Variants in ARHGEF11 observed in about 807,000 individuals in gnomAD.
ARHGEF11 encodes the protein Rho guanine exchange factor (GEF) 11.
A neutral mutation model predicts 193.7 loss-of-function variants in ARHGEF11; 55 were observed. The observed-to-expected ratio is 0.28, with a 90% CI of 0.23 to 0.36. The LOEUF is 0.36. ARHGEF11 is among the 10% of genes least tolerant of loss of function. The pLI, the probability that ARHGEF11 is intolerant of heterozygous loss-of-function variation, is 1.00. For synonymous variants in ARHGEF11, 693 were observed against 768.0 expected (o/e 0.90, Z 1.62); for missense variants, 1,723 against 2,005.6 (o/e 0.86, Z 2.69).
chr1:157,045,576 C>A lies in ARHGEF11; in HGVS notation c.-1246G>T, dbSNP rs1465124570. Among the ~76,000 whole-genome samples, 1 of 151,962 alleles carries A rather than the reference C, an allele frequency of 6.6e-6. No homozygotes were observed. Among genetic ancestry groups the A allele is most frequent in the African/African-American group, 2.4e-5 (1 of 41,430 alleles). On this transcript the variant is annotated 5_prime_UTR_variant, in exon 1 of 41. Coordinates refer to ENST00000368194, the MANE Select transcript of ARHGEF11 (RefSeq NM_198236.3). ...CTCGCCTAATCTCGCAGGCAGGAGC[C>A]CGCAGTGCCTCGCGCAGGACGCCCG...
chr1:156,996,509 CAAG>C (rs1666508101), intron 1 of ARHGEF11, among the ~76,000 whole-genome samples: 1 of 151,988 alleles, frequency 6.6e-6, no homozygotes, highest in East Asian at 1.9e-4. Flanking sequence ...GATCTCACAA[CAAG>C]GAGTGTAACA....
Position 156,935,329 on chromosome 1 carries a change from G to A in ARHGEF11, c.*671C>T, listed in dbSNP as rs1351295473. ...AGCCAGGTGGGATGGGGAGCCAGAAGACCTTCCCACTCACAGGGACAGGAA... is the reference window on the plus strand; with the variant it reads ...AGCCAGGTGGGATGGGGAGCCAGAAAACCTTCCCACTCACAGGGACAGGAA... On this transcript the variant is annotated 3_prime_UTR_variant, in exon 41 of 41. Coordinates refer to ENST00000368194, the MANE Select transcript of ARHGEF11 (RefSeq NM_198236.3). 6.6e-6 allele frequency: 1 copy of A among 152,146 alleles called. No individual in the cohort carries two copies. Among genetic ancestry groups the A allele is most frequent in the Non-Finnish European group, 1.5e-5 (1 of 68,028 alleles). The allele number at this position is 152,146 out of a possible 1,614,324, so 9.4% of individuals were successfully genotyped here. A position where few individuals can be genotyped will look rare whatever the true frequency, so the allele number is the denominator to read the frequency against.
At chr1:156,945,901 T>A in intron 29 of ARHGEF11, 144 bp downstream of exon 29, 1 of 638,928 alleles carries the variant, frequency 1.6e-6, no homozygotes, top group Non-Finnish European at 2.7e-6. Context: ...CATTTTCTTC[T>A]CTGAAACACC....
At chr1:156,941,092 G>A (rs554629991) in intron 35 of ARHGEF11, among the ~76,000 whole-genome samples, 5 of 146,348 alleles carry the variant, frequency 3.4e-5, no homozygotes, top group Admixed American at 6.8e-5. Flanking sequence ...CGTGGATCCC[G>A]CCAGACTGCT....
intron 32 of ARHGEF11, 84 bp downstream of exon 32, chr1:156,943,851 G>T: frequency 6.7e-7 from 1 of 1,495,002 alleles, no homozygotes; most frequent in South Asian, 1.3e-5. Context: ...TCCTGTAAAG[G>T]CTCCAGACTG....
chr1:156,969,868 A>G lies in ARHGEF11; in HGVS notation c.748+130T>C, dbSNP rs769742745. The G allele has an allele frequency of 2.1e-4, 190 of 898,326 alleles. 1 individual carries two copies. Among genetic ancestry groups the G allele is most frequent in the Non-Finnish European group, 3.2e-4 (181 of 563,380 alleles). 55.6% of individuals were successfully genotyped at this position (898,326 alleles called of 1,614,324 possible). A position where few individuals can be genotyped will look rare whatever the true frequency, so the allele number is the denominator to read the frequency against. On this transcript the variant is annotated intron_variant, in intron 9 of 40. Coordinates refer to ENST00000368194, the MANE Select transcript of ARHGEF11 (RefSeq NM_198236.3). ...CTGTGTATTTGTACTGCTTTCTCCC[A>G]TTATTTCATTTCTCAGAGGGCAGGC...
intron 11 of ARHGEF11, among the ~76,000 whole-genome samples, chr1:156,967,086 T>A (rs1661774613): frequency 6.6e-6 from 1 of 152,230 alleles, no homozygotes. Flanking sequence ...CTGTCTTATA[T>A]CTTTCTAGGT....
chr1:157,034,684 G>A (rs1195232433), intron 1 of ARHGEF11, among the ~76,000 whole-genome samples: 2 of 152,170 alleles, frequency 1.3e-5, no homozygotes, highest in Non-Finnish European at 2.9e-5. Flanking sequence ...GGCCAAAGAA[G>A]ACAACCCAGA....
chr1:156,972,888 C>T (rs1029664780), intron 7 of ARHGEF11, among the ~76,000 whole-genome samples: 1 of 152,186 alleles, frequency 6.6e-6, no homozygotes, highest in Non-Finnish European at 1.5e-5. Flanking sequence ...TCTTCAAAGT[C>T]TCCTTTTTCC....
chr1:156,964,210 A>G (rs1034797640), intron 11 of ARHGEF11, among the ~76,000 whole-genome samples: 2 of 152,080 alleles, frequency 1.3e-5, no homozygotes, highest in Non-Finnish European at 1.5e-5. Context: ...CTAAAATCCA[A>G]ATTTCTTAGT....
In ARHGEF11 at chr1:157,044,546, C is replaced by T. The variant is rs915598482; in HGVS notation, c.-216G>A. On this transcript the variant is annotated 5_prime_UTR_variant, in exon 1 of 41. Transcript: ENST00000368194. ...TTTCTCAGCCCCTCTTCCCCTCCCC[C>T]GCTTTAAAAAAAAAGAAAAGAAAAG... The T allele has an allele frequency of 2.4e-6, 1 of 425,028 alleles. No homozygotes were observed. The allele number at this position is 425,028 out of a possible 1,614,324, so 26.3% of individuals were successfully genotyped here.
rs1173463059 is a variant in ARHGEF11 at position 156,935,644 on chromosome 1, C to T, written c.*356G>A. ...GAAAGTGCATTTACACAGAAGCCTC[C>T]TCCTTTCACTTGCATGTCTGAGGGC... On this transcript the variant is annotated 3_prime_UTR_variant, in exon 41 of 41. Transcript: ENST00000368194. The T allele has an allele frequency of 1.4e-5, 3 of 216,978 alleles. No individual in the cohort carries two copies. Among genetic ancestry groups the T allele is most frequent in the Non-Finnish European group, 2.7e-5 (3 of 110,432 alleles). 13.4% of individuals were successfully genotyped at this position (216,978 alleles called of 1,614,324 possible). A position where few individuals can be genotyped will look rare whatever the true frequency, so the allele number is the denominator to read the frequency against.
chr1:156,945,358 G>GT lies in ARHGEF11; in HGVS notation c.2813-162dup, dbSNP rs1455849394. On this transcript the variant is annotated intron_variant, in intron 29 of 40. Transcript: ENST00000368194. ...TTGCCTCACATGAGGACCCCAAGTG[G>GT]TAAGGGTAACTTTTACTGAGCATCT... 7 of 690,686 alleles carry GT rather than the reference G, an allele frequency of 1.0e-5. No individual in the cohort carries two copies. The East Asian group carries it at 1.9e-4, about 19-fold the overall frequency. The allele number at this position is 690,686 out of a possible 1,614,324, so 42.8% of individuals were successfully genotyped here. A position where few individuals can be genotyped will look rare whatever the true frequency, so the allele number is the denominator to read the frequency against.
At chr1:157,035,763 T>TATATATATGA (rs1223789320) in intron 1 of ARHGEF11, among the ~76,000 whole-genome samples, 5 of 140,998 alleles carry the variant, frequency 3.5e-5, no homozygotes, top group African/African-American at 1.1e-4. Context: ...TGTGGGAATA[T>TATATATATGA]ATATATATAC....
At chr1:156,944,944 G>A in intron 30 of ARHGEF11, 75 bp downstream of exon 30, 2 of 1,541,832 alleles carry the variant, frequency 1.3e-6, no homozygotes, top group South Asian at 2.4e-5. Flanking sequence ...GACTCTCCAA[G>A]CCCTGACCAG....
intron 2 of ARHGEF11, among the ~76,000 whole-genome samples, chr1:156,984,820 G>A (rs1017270033): frequency 2.6e-5 from 4 of 152,122 alleles, no homozygotes; most frequent in Admixed American, 6.5e-5. Flanking sequence ...TGAAGCCCAA[G>A]TGAGCCTAGA....
In ARHGEF11 at chr1:156,954,881, G is replaced by A; in HGVS notation, c.1798+11C>T. The A allele has an allele frequency of 6.2e-7, 1 of 1,605,872 alleles. No individual in the cohort carries two copies. The highest frequency in any genetic ancestry group is 8.5e-7 in the Non-Finnish European group (1 of 1,176,156). On this transcript the variant is annotated intron_variant, in intron 21 of 40. Coordinates refer to ENST00000368194, the MANE Select transcript of ARHGEF11 (RefSeq NM_198236.3). Reference sequence around the variant, plus strand: ...ATGCAAAGACAAACCCAAATAAAATGGTCCTTTTACCTTCCACAGGGGACA... The same window carrying A: ...ATGCAAAGACAAACCCAAATAAAATAGTCCTTTTACCTTCCACAGGGGACA...
upstream of ARHGEF11, among the ~76,000 whole-genome samples, chr1:157,046,330 C>T (rs1673325177): frequency 6.6e-6 from 1 of 152,030 alleles, no homozygotes; most frequent in Non-Finnish European, 1.5e-5. Flanking sequence ...ACCTTTGTTT[C>T]CTACCCCCTG....
In ARHGEF11 at chr1:156,935,526, G is replaced by A. The variant is rs1440577738; in HGVS notation, c.*474C>T. 2 of 154,976 alleles carry A rather than the reference G, an allele frequency of 1.3e-5. No homozygotes were observed. The highest frequency in any genetic ancestry group is 2.9e-5 in the Non-Finnish European group (2 of 69,890). 9.6% of individuals were successfully genotyped at this position (154,976 alleles called of 1,614,324 possible). On this transcript the variant is annotated 3_prime_UTR_variant, in exon 41 of 41. Coordinates refer to ENST00000368194, the MANE Select transcript of ARHGEF11 (RefSeq NM_198236.3). ...TTTACAATAGCAAAGATGCACATAC[G>A]ATACATACATATTTATAGGAAACCA...
Sources: allele counts gnomAD v4.1 joint callset (sites outside exome capture counted in the v4.1 genomes callset), GRCh38; gene constraint gnomAD v4.1.1; transcripts MANE v1.5; gene names NCBI Gene and HGNC (gene_info 2026-07-23, HGNC 2026-07-21).